The following NCK2 variants were observed in gnomAD, a reference collection of about 807,000 sequenced individuals.
NCK2 encodes NCK adaptor protein 2.
A neutral mutation model predicts 33.9 loss-of-function variants in NCK2; 16 were observed. The ratio of observed to expected loss-of-function variants is 0.47; its 90% CI spans 0.32 to 0.72. The LOEUF is 0.72. Among genes scored for constraint, NCK2 ranks in the 30% least tolerant of loss-of-function variants. NCK2 has a pLI of 0.03. For synonymous variants in NCK2, 273 were observed against 239.9 expected, an observed-to-expected ratio of 1.14 and a Z score of -1.27; for missense variants, 418 against 537.3, an observed-to-expected ratio of 0.78 and a Z score of 2.19.
chr2:105,881,875 G>GCCTGCCCTGCACCCTGCGCACGCC lies in NCK2; in HGVS notation c.777_800dup (p.Ala260_Pro267dup). 6.3e-7 allele frequency: 1 copy of GCCTGCCCTGCACCCTGCGCACGCC among 1,585,340 alleles called. No homozygotes were observed. The highest frequency in any genetic ancestry group is 8.6e-7 in the Non-Finnish European group (1 of 1,165,258). Reference sequence around the variant, plus strand: ...ACTACGTGGTGGTCCTCAGTGACGGGCCTGCCCTGCACCCTGCGCACGCCC... The same window carrying GCCTGCCCTGCACCCTGCGCACGCC: ...ACTACGTGGTGGTCCTCAGTGACGGGCCTGCCCTGCACCCTGCGCACGCCCCTGCCCTGCACCCTGCGCACGCCC... On this transcript the variant is annotated inframe_insertion, in exon 4 of 5. Coordinates refer to ENST00000233154, the MANE Select transcript of NCK2 (RefSeq NM_003581.5).
intron 2 of NCK2, among the ~76,000 whole-genome samples, chr2:105,819,771 A>C (rs549761161): frequency 7.2e-4 from 109 of 152,358 alleles, no homozygotes; most frequent in African/African-American, 2.5e-3. Context: ...CAAAACCTTG[A>C]TTCACCTATT....
intron 1 of NCK2, among the ~76,000 whole-genome samples, chr2:105,749,838 C>A (rs928486469): frequency 6.6e-6 from 1 of 152,002 alleles, no homozygotes; most frequent in African/African-American, 2.4e-5. Flanking sequence ...CTGTTTAGTG[C>A]GTGTATTAGT....
chr2:105,745,952 G>A (rs1689273219), intron 1 of NCK2: 1 of 152,148 alleles, frequency 6.6e-6, no homozygotes, highest in African/African-American at 2.4e-5. Flanking sequence ...TGTGTGGAGG[G>A]GTTTAATTTG....
chr2:105,770,533 T>A (rs986083675), intron 1 of NCK2, among the ~76,000 whole-genome samples: 8 of 152,202 alleles, frequency 5.3e-5, no homozygotes, highest in African/African-American at 1.7e-4. Flanking sequence ...TTAAAATCAT[T>A]TTCTTAGAAG....
chr2:105,876,968 T>C (rs1678259602), intron 3 of NCK2, among the ~76,000 whole-genome samples: 1 of 152,126 alleles, frequency 6.6e-6, no homozygotes, highest in Non-Finnish European at 1.5e-5. Flanking sequence ...AATCCCTGCT[T>C]GTTCTGCAGC....
At chr2:105,819,191 C>T (rs1415029530) in intron 2 of NCK2, among the ~76,000 whole-genome samples, 1 of 152,074 alleles carries the variant, frequency 6.6e-6, no homozygotes, top group Admixed American at 6.6e-5. Context: ...TCCCCTCATG[C>T]ATTCATAGGG....
intron 1 of NCK2, among the ~76,000 whole-genome samples, chr2:105,807,233 G>A (rs534637393): frequency 5.9e-5 from 9 of 152,320 alleles, no homozygotes; most frequent in Admixed American, 4.6e-4. Flanking sequence ...ACGCACCTGC[G>A]TGGGAAGGGC....
At chr2:105,830,670 G>GGT (rs56220635) in intron 2 of NCK2, among the ~76,000 whole-genome samples, 1,994 of 99,018 alleles carry the variant, frequency 0.02, 25 homozygotes, top group African/African-American at 0.044. Flanking sequence ...CCAGGAATTT[G>GGT]GTGTGTGTGT....
chr2:105,750,459 G>A (rs1689423395), intron 1 of NCK2, among the ~76,000 whole-genome samples: 1 of 152,196 alleles, frequency 6.6e-6, no homozygotes, highest in Non-Finnish European at 1.5e-5. Flanking sequence ...TGTCTGTCTA[G>A]GTTCCACAAC....
At chr2:105,873,265 A>T (rs1011544142) in intron 3 of NCK2, among the ~76,000 whole-genome samples, 2 of 152,148 alleles carry the variant, frequency 1.3e-5, no homozygotes, top group Admixed American at 6.5e-5. Flanking sequence ...ATGTTCTCTG[A>T]CCACTGTGCC....
intron 3 of NCK2, among the ~76,000 whole-genome samples, chr2:105,873,858 G>T (rs971428095): frequency 3.9e-5 from 6 of 152,196 alleles, no homozygotes; most frequent in African/African-American, 1.4e-4. Context: ...AACCTCTGCA[G>T]CGTGGGCAGA....
intron 3 of NCK2, among the ~76,000 whole-genome samples, chr2:105,877,184 C>G (rs921876695): frequency 3.9e-5 from 6 of 152,140 alleles, no homozygotes; most frequent in Non-Finnish European, 2.9e-5. Context: ...TTTTCTCTTC[C>G]CACTCCTCCT....
At chr2:105,875,354 G>A (rs1678190698) in intron 3 of NCK2, among the ~76,000 whole-genome samples, 1 of 152,196 alleles carries the variant, frequency 6.6e-6, no homozygotes, top group Admixed American at 6.5e-5. Flanking sequence ...CTGGCGGTAC[G>A]GGGTCTCCTG....
chr2:105,855,173 C>T lies in NCK2; in HGVS notation c.110C>T (p.Thr37Met), dbSNP rs765463213. The change falls in exon 3 of 5, where the codon ACG (threonine) becomes ATG (methionine). Residue 37 changes from threonine (T) to methionine (M), a missense_variant. Transcript: ENST00000233154. ...CTGTGGTTGCTGGACGACTCCAAGACGTGGTGGCGGGTGAGGAACGCGGCC... is the reference window on the plus strand; with the variant it reads ...CTGTGGTTGCTGGACGACTCCAAGATGTGGTGGCGGGTGAGGAACGCGGCC... Reference protein sequence around the residue: ...ERLWLLDDSKTWWRVRNAANR... With the variant: ...ERLWLLDDSKMWWRVRNAANR... 6.2e-7 allele frequency: 1 copy of T among 1,614,178 alleles called. No individual in the cohort carries two copies. The highest frequency in any genetic ancestry group is 8.5e-7 in the Non-Finnish European group (1 of 1,180,032).
intron 2 of NCK2, among the ~76,000 whole-genome samples, chr2:105,825,502 T>C (rs1675905300): frequency 6.6e-6 from 1 of 152,200 alleles, no homozygotes; most frequent in South Asian, 2.1e-4. Flanking sequence ...CTTTGGAACA[T>C]AGCAGATATG....
At chr2:105,848,196 A>G (rs145207648) in intron 2 of NCK2, among the ~76,000 whole-genome samples, 33 of 152,298 alleles carry the variant, frequency 2.2e-4, no homozygotes, top group African/African-American at 7.7e-4. Context: ...GGCTCATTTA[A>G]TCCTCACCGA....
chr2:105,780,331 C>T lies in NCK2; in HGVS notation c.-201+35193C>T, dbSNP rs879910773. Among the ~76,000 whole-genome samples, 336 of 85,772 alleles carry T rather than the reference C, an allele frequency of 3.9e-3. 1 individual carries two copies. Among genetic ancestry groups the T allele is most frequent in the East Asian group, 0.019 (58 of 3,102 alleles). The allele number at this position is 85,772 out of a possible 152,430, so 56.3% of individuals were successfully genotyped here. ...AATATGGGAGAGAGATATATACACA[C>T]ACACACACACACACACACACACACA... On this transcript the variant is annotated intron_variant, in intron 1 of 4. Transcript: ENST00000233154.
rs111592011 is a variant in NCK2, at chr2:105,776,358, C to T, written c.-201+31220C>T. The stretch of plus-strand genomic sequence containing the variant: ...ACATCTTCTGGAAGCAGCCAAAGCA[C>T]GTTTGGGGGAGGGAGTTCAGAACCC... On this transcript the variant is annotated intron_variant, in intron 1 of 4. Transcript: ENST00000233154. Among the ~76,000 whole-genome samples, 690 of 152,358 alleles carry T rather than the reference C, an allele frequency of 4.5e-3. 2 individuals are homozygous for T. The highest frequency in any genetic ancestry group is 7.9e-3 in the Non-Finnish European group (540 of 68,042).
chr2:105,870,757 G>C, intron 3 of NCK2, among the ~76,000 whole-genome samples: 1 of 75,682 alleles, frequency 1.3e-5, no homozygotes, highest in Non-Finnish European at 3.3e-5. Flanking sequence ...TCTCAAAAAA[G>C]AAAGAAAGAA....
Sources: gnomAD v4.1 joint callset for allele counts (sites outside exome capture counted in the v4.1 genomes callset) on GRCh38, gnomAD v4.1.1 for gene constraint, MANE v1.5 for transcripts, NCBI Gene and HGNC (gene_info 2026-07-23, HGNC 2026-07-21) for gene names.